ZFPM1: variants seen among roughly 807,000 people sequenced by gnomAD.
ZFPM1 encodes the protein zinc finger protein ZFPM1.
In ZFPM1, 28 loss-of-function variants were observed where a neutral mutation model predicts 46.3. The ratio of observed to expected loss-of-function variants is 0.60; its 90% CI spans 0.45 to 0.83. The LOEUF (loss-of-function observed/expected upper bound fraction) is 0.83, where lower values mean the gene tolerates loss of function less well. ZFPM1 is among the 40% of genes least tolerant of loss of function. ZFPM1 has a pLI of 0.00. For missense variants in ZFPM1, 1,878 were observed against 1,432.4 expected, an observed-to-expected ratio of 1.31 and a Z score of -5.02; for synonymous variants, 957 against 675.9, an observed-to-expected ratio of 1.42 and a Z score of -6.45.
chr16:88,468,110 G>T (rs1332367947), intron 1 of ZFPM1, among the ~76,000 whole-genome samples: 1 of 101,730 alleles, frequency 9.8e-6, no homozygotes, highest in Non-Finnish European at 1.9e-5. Context: ...GCACCTGCGA[G>T]CCCACCGCCC....
intron 1 of ZFPM1, among the ~76,000 whole-genome samples, chr16:88,484,583 G>A (rs1284339808): frequency 6.6e-6 from 1 of 152,238 alleles, no homozygotes; most frequent in Admixed American, 6.5e-5. Context: ...TGTGTCGGGA[G>A]GCTCTGCCCC....
rs1216659077 is a variant in ZFPM1, at chr16:88,480,442, C to T, written c.41-5497C>T. ...GCGGATGAAAGAGTGAAGGAAAGAGCCGTGGTGCTGGTGGGGGAGGAGCGG... is the reference window on the plus strand; with the variant it reads ...GCGGATGAAAGAGTGAAGGAAAGAGTCGTGGTGCTGGTGGGGGAGGAGCGG... On this transcript the variant is annotated intron_variant, in intron 1 of 9. Transcript: ENST00000319555. The surrounding 1 kb of genome is among the most constrained non-coding windows in gnomAD (Gnocchi z 4.9). Among the ~76,000 whole-genome samples the T allele has an allele frequency of 1.3e-5, 2 of 152,160 alleles. No individual in the cohort carries two copies. Among genetic ancestry groups the T allele is most frequent in the Non-Finnish European group, 2.9e-5 (2 of 68,016 alleles).
intron 4 of ZFPM1, among the ~76,000 whole-genome samples, chr16:88,525,297 A>G (rs2142469103): frequency 6.6e-6 from 1 of 152,300 alleles, no homozygotes; most frequent in African/African-American, 2.4e-5. Flanking sequence ...GCTGGCACCT[A>G]GTGGGGAGGT....
intron 1 of ZFPM1, among the ~76,000 whole-genome samples, chr16:88,472,385 C>T (rs1224278032): frequency 6.9e-6 from 1 of 145,630 alleles, no homozygotes; most frequent in African/African-American, 2.6e-5. Context: ...GACTGAGTCT[C>T]GCTGTGTCGC....
Position 88,533,590 on chromosome 16 carries a change from C to T in ZFPM1, c.1632C>T (p.Ala544=). 2 of 1,499,488 alleles carry T rather than the reference C, an allele frequency of 1.3e-6. No individual in the cohort carries two copies. Among genetic ancestry groups the T allele is most frequent in the Non-Finnish European group, 1.8e-6 (2 of 1,123,804 alleles). The allele number at this position is 1,499,488 out of a possible 1,614,324, so 92.9% of individuals were successfully genotyped here. ...DAAPPASEIL[A]KMSELVHSRL... ...CGCCCCCCGCCTCGGAGATCCTGGC[C>T]AAGATGTCCGAGCTGGTGCACAGCC... Residue 544 remains alanine (A), a synonymous_variant, in exon 10 of 10, where the codon GCC becomes GCT. Coordinates refer to ENST00000319555, the MANE Select transcript of ZFPM1 (RefSeq NM_153813.3).
chr16:88,493,553 C>T (rs1375389301), intron 3 of ZFPM1, among the ~76,000 whole-genome samples: 2 of 144,222 alleles, frequency 1.4e-5, no homozygotes, highest in Non-Finnish European at 3.0e-5. Flanking sequence ...AGAGCTGTCC[C>T]GGGGTGGGGA....
At chr16:88,467,923 G>A (rs900204165) in intron 1 of ZFPM1, among the ~76,000 whole-genome samples, 3 of 152,038 alleles carry the variant, frequency 2.0e-5, no homozygotes, top group South Asian at 2.1e-4. Flanking sequence ...CGAGCTGAGC[G>A]GCCCCCCTTC....
upstream of ZFPM1, among the ~76,000 whole-genome samples, chr16:88,453,130 G>C (rs1229656016): frequency 4.7e-5 from 7 of 149,262 alleles, no homozygotes; most frequent in Non-Finnish European, 1.0e-4. Context: ...ACGAAGAGCC[G>C]GGCTGGCGGG....
chr16:88,451,834 C>A (rs1368071840), upstream of ZFPM1, among the ~76,000 whole-genome samples: 9 of 152,024 alleles, frequency 5.9e-5, no homozygotes, highest in Non-Finnish European at 4.4e-5. Flanking sequence ...CTCCTGGTCT[C>A]AGTGTTCCTG....
intron 4 of ZFPM1, among the ~76,000 whole-genome samples, chr16:88,520,291 G>A (rs570628454): frequency 4.0e-4 from 60 of 151,724 alleles, no homozygotes; most frequent in African/African-American, 1.4e-3. Context: ...TAGATAGGTA[G>A]GTGGATGGAT....
At chr16:88,490,922 A>T (rs924663799) in intron 3 of ZFPM1, among the ~76,000 whole-genome samples, 4 of 152,122 alleles carry the variant, frequency 2.6e-5, no homozygotes, top group African/African-American at 9.7e-5. Flanking sequence ...GCCATGGTAG[A>T]AACTTGCTGG....
intron 3 of ZFPM1, among the ~76,000 whole-genome samples, chr16:88,495,021 G>T (rs1357654771): frequency 6.6e-6 from 1 of 152,224 alleles, no homozygotes; most frequent in Non-Finnish European, 1.5e-5. Context: ...TATAATCCCT[G>T]CACGCGCTCG....
intron 1 of ZFPM1, among the ~76,000 whole-genome samples, chr16:88,466,175 C>T (rs566555358): frequency 6.6e-6 from 1 of 152,168 alleles, no homozygotes; most frequent in East Asian, 1.9e-4. Context: ...ATCCCTGGGG[C>T]GGTGTGGATG....
intron 2 of ZFPM1, 133 bp from the exon 3 acceptor site, chr16:88,488,898 G>A (rs898664455): frequency 7.3e-7 from 1 of 1,378,210 alleles, no homozygotes; most frequent in Non-Finnish European, 9.8e-7. Context: ...GAGCGCACCA[G>A]GAGATGGGGG....
rs141560666 is a variant in ZFPM1 at position 88,457,470 on chromosome 16, G to A, written c.40+3792G>A. Among the ~76,000 whole-genome samples the A allele has an allele frequency of 5.5e-3, 845 of 152,324 alleles. 5 individuals are homozygous for A. Among genetic ancestry groups the A allele is most frequent in the Middle Eastern group, 0.044 (13 of 294 alleles). On this transcript the variant is annotated intron_variant, in intron 1 of 9. Coordinates refer to ENST00000319555, the MANE Select transcript of ZFPM1 (RefSeq NM_153813.3). Reference sequence around the variant, plus strand: ...ATATGATAGTGTCTGCCATCCAGGGGCTGCAGGTCCTGCTCTCAGCTTACC... The same window carrying A: ...ATATGATAGTGTCTGCCATCCAGGGACTGCAGGTCCTGCTCTCAGCTTACC...
chr16:88,504,022 A>G (rs909595291), intron 3 of ZFPM1, among the ~76,000 whole-genome samples: 7 of 151,704 alleles, frequency 4.6e-5, no homozygotes, highest in African/African-American at 1.7e-4. Flanking sequence ...GGCTGCCCTC[A>G]GTGGGGGTGG....
intron 3 of ZFPM1, chr16:88,489,474 G>C: frequency 3.3e-6 from 1 of 299,434 alleles, no homozygotes; most frequent in Non-Finnish European, 6.3e-6. Flanking sequence ...AGGAAAGGCA[G>C]GGAGGTGGGA....
chr16:88,526,920 A>C lies in ZFPM1; in HGVS notation c.505+4A>C. 4 of 1,565,330 alleles carry C rather than the reference A, an allele frequency of 2.6e-6. No homozygotes were observed. Among genetic ancestry groups the C allele is most frequent in the Non-Finnish European group, 3.5e-6 (4 of 1,154,462 alleles). ...AACACAGAGATCCACAGGAAGGGTC[A>C]GTATGACGCGGCACCTCCGTCCCAA... is the stretch of plus-strand genomic sequence containing the variant. On this transcript the variant is annotated splice_donor_region_variant and intron_variant, in intron 5 of 9. Coordinates refer to ENST00000319555, the MANE Select transcript of ZFPM1 (RefSeq NM_153813.3).
intron 1 of ZFPM1, among the ~76,000 whole-genome samples, chr16:88,453,885 G>A (rs1179455077): frequency 6.6e-6 from 1 of 151,920 alleles, no homozygotes; most frequent in Non-Finnish European, 1.5e-5. Flanking sequence ...GCACCGGGGG[G>A]TTCAGCCCAG....
Sources: gnomAD v4.1 joint callset for allele counts (sites outside exome capture counted in the v4.1 genomes callset) on GRCh38, gnomAD v4.1.1 for gene constraint, Gnocchi (gnomAD v3.1) non-coding constraint, MANE v1.5 for transcripts, NCBI Gene and HGNC (gene_info 2026-07-23, HGNC 2026-07-21) for gene names.